The following SNX9 variants were observed in gnomAD, a reference collection of about 807,000 sequenced individuals.
The protein encoded by SNX9 is sorting nexin 9, also known as sorting nexin-9.
Under a neutral mutation model 89.4 loss-of-function variants are expected in SNX9, and 44 were observed. The observed-to-expected ratio is 0.49, with a 90% CI of 0.39 to 0.63. SNX9 has a LOEUF of 0.63. Among genes scored for constraint, SNX9 ranks in the 30% least tolerant of loss-of-function variants. The probability of loss-of-function intolerance (pLI) is 0.00; values close to 1 mark genes in which losing one functional copy is unlikely to be tolerated. For synonymous variants in SNX9, 236 were observed against 247.8 expected, an observed-to-expected ratio of 0.95 and a Z score of 0.45; for missense variants, 578 against 736.1, an observed-to-expected ratio of 0.79 and a Z score of 2.49.
intron 1 of SNX9, among the ~76,000 whole-genome samples, chr6:157,844,598 TTG>T (rs1781766898): frequency 7.2e-6 from 1 of 139,292 alleles, no homozygotes; most frequent in Non-Finnish European, 1.6e-5. Context: ...TTTTTTTTTT[TTG>T]TTTTTTTTTT....
At chr6:157,851,996 T>C (rs796296358) in intron 1 of SNX9, among the ~76,000 whole-genome samples, 1 of 152,346 alleles carries the variant, frequency 6.6e-6, no homozygotes, top group African/African-American at 2.4e-5. Context: ...CTGAATAATA[T>C]TCCTTTGTAT....
At chr6:157,927,506 G>A (rs1783719399) in intron 11 of SNX9, among the ~76,000 whole-genome samples, 1 of 152,146 alleles carries the variant, frequency 6.6e-6, no homozygotes, top group Non-Finnish European at 1.5e-5. Context: ...GCGGCATGGA[G>A]CCACCTAAAA....
At chr6:157,883,078 C>T (rs1204489894) in intron 4 of SNX9, among the ~76,000 whole-genome samples, 1 of 152,134 alleles carries the variant, frequency 6.6e-6, no homozygotes, top group Admixed American at 6.5e-5. Context: ...CAACCTTCAG[C>T]AACCACCACC....
chr6:157,900,337 C>T (rs922318550), intron 5 of SNX9, among the ~76,000 whole-genome samples: 6 of 151,934 alleles, frequency 3.9e-5, no homozygotes, highest in African/African-American at 1.2e-4. Context: ...TTGAATTGTG[C>T]GAGTTCATTA....
chr6:157,925,252 T>A (rs1783667199), intron 10 of SNX9, among the ~76,000 whole-genome samples: 1 of 150,862 alleles, frequency 6.6e-6, no homozygotes, highest in African/African-American at 2.5e-5. Flanking sequence ...TGTAGAAAAG[T>A]ACCTAATCTC....
At chr6:157,910,098 G>C in intron 9 of SNX9, 73 bp downstream of exon 9, 2 of 1,192,214 alleles carry the variant, frequency 1.7e-6, no homozygotes, top group Non-Finnish European at 2.5e-6. Context: ...CTGTAAGTCA[G>C]TGATGGCATT....
At position 157,823,652 on chromosome 6, in the gene SNX9, A is replaced by G. The variant is rs1781282851; in HGVS notation, c.12+206A>G. ...CGGGCAGTGCAGACAGACCACCAGG[A>G]TCGCACCGGGGGACGGCGTCGGGTC... On this transcript the variant is annotated intron_variant, in intron 1 of 17. Transcript: ENST00000392185. This position sits in a 1 kb window ranked among gnomAD's most constrained non-coding sequence, Gnocchi z 4.6. 6.6e-6 allele frequency among the ~76,000 whole-genome samples: 1 copy of G among 151,834 alleles called. No individual in the cohort carries two copies. Among genetic ancestry groups the G allele is most frequent in the Non-Finnish European group, 1.5e-5 (1 of 67,878 alleles).
At chr6:157,880,403 AT>A (rs1355048313) in intron 4 of SNX9, among the ~76,000 whole-genome samples, 4 of 151,996 alleles carry the variant, frequency 2.6e-5, no homozygotes, top group African/African-American at 9.7e-5. Flanking sequence ...AATCGTGTAG[AT>A]TCCCTTATAA....
chr6:157,859,451 A>G (rs1782075102), intron 1 of SNX9, among the ~76,000 whole-genome samples: 1 of 152,144 alleles, frequency 6.6e-6, no homozygotes, highest in Non-Finnish European at 1.5e-5. Flanking sequence ...ATAATATTCC[A>G]TTTTGACAGC....
chr6:157,846,832 AG>A (rs757889431), intron 1 of SNX9, among the ~76,000 whole-genome samples: 1 of 152,288 alleles, frequency 6.6e-6, no homozygotes, highest in East Asian at 1.9e-4. Flanking sequence ...GGATCACTTG[AG>A]GCCAGGAGTT....
rs1209041184 is a variant in SNX9, at chr6:157,944,201, T to A, written c.*1363T>A. The A allele has an allele frequency of 6.6e-6, 1 of 152,500 alleles. No individual in the cohort carries two copies. Among genetic ancestry groups the A allele is most frequent in the Non-Finnish European group, 1.5e-5 (1 of 68,036 alleles). The allele number at this position is 152,500 out of a possible 1,614,324, so 9.4% of individuals were successfully genotyped here. On this transcript the variant is annotated 3_prime_UTR_variant, in exon 18 of 18. Transcript: ENST00000392185. ...CGCGTTCCCTCCCGCTGCTTTCATT[T>A]TTCTGACCTAATAATTACGGGAAAT...
In SNX9 at chr6:157,940,873, T is replaced by C. The variant is rs199600712; in HGVS notation, c.1649-10T>C. On this transcript the variant is annotated splice_polypyrimidine_tract_variant and intron_variant, in intron 16 of 17. Coordinates refer to ENST00000392185, the MANE Select transcript of SNX9 (RefSeq NM_016224.5). ...GGGAAAACTGATTGATGTTCTGATT[T>C]GGGTTGTAGCTGAGATGAATCACTT... 1.8e-5 allele frequency: 29 copies of C among 1,613,258 alleles called. No homozygotes were observed. The East Asian group carries it at 5.8e-4, about 32-fold the overall frequency.
At chr6:157,910,894 G>A (rs2115180441) in intron 9 of SNX9, among the ~76,000 whole-genome samples, 1 of 152,260 alleles carries the variant, frequency 6.6e-6, no homozygotes, top group South Asian at 2.1e-4. Context: ...GGCCGAGGCG[G>A]GCGGATCACG....
At chr6:157,874,586 G>A (rs530953047) in intron 3 of SNX9, 43 of 152,460 alleles carry the variant, frequency 2.8e-4, no homozygotes, top group African/African-American at 9.9e-4. Context: ...GTCCACTTAG[G>A]GACATCTATA....
intron 4 of SNX9, 37 bp from the exon 5 acceptor site, chr6:157,896,790 T>C: frequency 6.2e-7 from 1 of 1,611,478 alleles, no homozygotes; most frequent in Non-Finnish European, 8.5e-7. Flanking sequence ...TTTCCAAAAG[T>C]CACAAAAATT....
At chr6:157,925,764 A>C (rs1783678640) in intron 10 of SNX9, among the ~76,000 whole-genome samples, 1 of 152,114 alleles carries the variant, frequency 6.6e-6, no homozygotes, top group African/African-American at 2.4e-5. Context: ...GGTAGCATGC[A>C]TGCGTAGGTG....
At position 157,861,821 on chromosome 6, in the gene SNX9, A is replaced by G. The variant is rs868354366; in HGVS notation, c.13-5726A>G. On this transcript the variant is annotated intron_variant, in intron 1 of 17. Transcript: ENST00000392185. The stretch of plus-strand genomic sequence containing the variant: ...AGATGCACAAGAATAACTAATAATA[A>G]AATAGAACAGTTATTATAGTATGCC... Among the ~76,000 whole-genome samples, 3 of 152,350 alleles carry G rather than the reference A, an allele frequency of 2.0e-5. No individual in the cohort carries two copies. The Middle Eastern group carries it at 0.01, about 518-fold the overall frequency.
At chr6:157,853,607 G>A (rs926291743) in intron 1 of SNX9, among the ~76,000 whole-genome samples, 1 of 152,120 alleles carries the variant, frequency 6.6e-6, no homozygotes, top group South Asian at 2.1e-4. Context: ...GTGACTAACT[G>A]GGTAGGGGAA....
At chr6:157,941,822 G>A (rs2115226037) in intron 17 of SNX9, among the ~76,000 whole-genome samples, 1 of 152,352 alleles carries the variant, frequency 6.6e-6, no homozygotes, top group South Asian at 2.1e-4. Flanking sequence ...GTCTTGGACA[G>A]TTGGTTTGGG....
Sources: allele counts gnomAD v4.1 joint callset (sites outside exome capture counted in the v4.1 genomes callset), GRCh38; gene constraint gnomAD v4.1.1; non-coding constraint Gnocchi (gnomAD v3.1); transcripts MANE v1.5; gene names NCBI Gene and HGNC (gene_info 2026-07-23, HGNC 2026-07-21).